The following CLEC16A variants were observed in gnomAD, a reference collection of about 807,000 sequenced individuals.
CLEC16A encodes protein CLEC16A.
CLEC16A carries 51 observed loss-of-function variants against 109.5 expected under a neutral mutation model. That is an observed-to-expected ratio of 0.47 (90% CI 0.37 to 0.59). The LOEUF is 0.59. Ranked by LOEUF, CLEC16A falls within the 20% of genes least tolerant of loss-of-function variation. The probability of loss-of-function intolerance (pLI) is 0.00; values close to 1 mark genes in which losing one functional copy is unlikely to be tolerated. For synonymous variants in CLEC16A, 673 were observed against 564.2 expected, an observed-to-expected ratio of 1.19 and a Z score of -2.73; for missense variants, 1,339 against 1,394.0, an observed-to-expected ratio of 0.96 and a Z score of 0.63.
chr16:11,102,056 G>A (rs1017105218), intron 19 of CLEC16A, among the ~76,000 whole-genome samples: 1 of 148,406 alleles, frequency 6.7e-6, no homozygotes, highest in African/African-American at 2.5e-5. Flanking sequence ...TGAGCAATCT[G>A]CCTACCTCAG....
intron 22 of CLEC16A, among the ~76,000 whole-genome samples, chr16:11,128,649 C>G (rs2052992932): frequency 1.3e-5 from 2 of 152,230 alleles, no homozygotes; most frequent in African/African-American, 4.8e-5. Context: ...GAGCTGTGTC[C>G]TGAAGAGCAA....
intron 22 of CLEC16A, chr16:11,157,265 C>T: frequency 4.3e-6 from 5 of 1,176,386 alleles, no homozygotes; most frequent in Non-Finnish European, 4.3e-6. Context: ...ATGTGGGGGT[C>T]GCCCATGGTG....
chr16:11,012,488 G>A (rs527980484), intron 11 of CLEC16A, among the ~76,000 whole-genome samples: 38 of 151,608 alleles, frequency 2.5e-4, no homozygotes, highest in African/African-American at 9.0e-4. Context: ...CCAGCTACTC[G>A]GGAGGCTGAG....
At chr16:11,175,090 C>G (rs1023101160) in intron 23 of CLEC16A, among the ~76,000 whole-genome samples, 6 of 152,236 alleles carry the variant, frequency 3.9e-5, no homozygotes, top group African/African-American at 1.4e-4. Flanking sequence ...CTTTTCTTCC[C>G]CACAACACTC....
intron 19 of CLEC16A, among the ~76,000 whole-genome samples, chr16:11,065,967 G>C (rs566412332): frequency 9.2e-5 from 14 of 152,326 alleles, no homozygotes; most frequent in African/African-American, 3.4e-4. Flanking sequence ...AGCTGGCACT[G>C]CCTGGTCAGA....
intron 18 of CLEC16A, among the ~76,000 whole-genome samples, chr16:11,057,858 C>T (rs1438043348): frequency 6.6e-6 from 1 of 152,138 alleles, no homozygotes; most frequent in African/African-American, 2.4e-5. Flanking sequence ...GGCAGGCTGC[C>T]TGTCATTGCT....
intron 19 of CLEC16A, among the ~76,000 whole-genome samples, chr16:11,119,148 C>G (rs555131668): frequency 6.6e-6 from 1 of 152,168 alleles, no homozygotes; most frequent in African/African-American, 2.4e-5. Flanking sequence ...TACAGGCACA[C>G]ACCACCACGC....
rs1168446655 is a variant in CLEC16A, at chr16:11,179,965, TCA to T, written c.*1278_*1279del. On this transcript the variant is annotated 3_prime_UTR_variant, in exon 24 of 24. Transcript: ENST00000409790. The stretch of plus-strand genomic sequence containing the variant: ...CCAGCTCGGGAGCCAGACACAGCAC[TCA>T]CAGCCCAGGCCGTGATCCACCCTCC... 1 of 152,984 alleles carries T rather than the reference TCA, an allele frequency of 6.5e-6. No individual in the cohort carries two copies. Among genetic ancestry groups the T allele is most frequent in the Non-Finnish European group, 1.5e-5 (1 of 68,718 alleles). 9.5% of individuals were successfully genotyped at this position (152,984 alleles called of 1,614,324 possible).
intron 12 of CLEC16A, 42 bp from the exon 13 acceptor site, chr16:11,024,779 T>C (rs1240417415): frequency 6.8e-7 from 1 of 1,478,430 alleles, no homozygotes; most frequent in African/African-American, 1.4e-5. Context: ...GTGTTCACCC[T>C]TGTGCACCGT....
intron 18 of CLEC16A, among the ~76,000 whole-genome samples, chr16:11,057,498 T>G (rs1163072693): frequency 6.6e-6 from 1 of 152,196 alleles, no homozygotes; most frequent in Non-Finnish European, 1.5e-5. Context: ...CTTCCCCTGC[T>G]CATTGGACTG....
At chr16:10,965,999 A>G (rs2042483232) in intron 3 of CLEC16A, among the ~76,000 whole-genome samples, 1 of 152,202 alleles carries the variant, frequency 6.6e-6, no homozygotes, top group Non-Finnish European at 1.5e-5. Flanking sequence ...AGCAGGGCTC[A>G]GTAAGACACC....
At chr16:10,982,197 C>T (rs946193085) in intron 9 of CLEC16A, among the ~76,000 whole-genome samples, 5 of 152,236 alleles carry the variant, frequency 3.3e-5, no homozygotes, top group African/African-American at 9.6e-5. Flanking sequence ...ATTCTTAAAG[C>T]TGGTCCTCTG....
chr16:11,072,507 A>C (rs2049131622), intron 19 of CLEC16A, among the ~76,000 whole-genome samples: 1 of 152,200 alleles, frequency 6.6e-6, no homozygotes, highest in Non-Finnish European at 1.5e-5. Flanking sequence ...CCAGTCCTTG[A>C]AAATCCAACA....
intron 18 of CLEC16A, among the ~76,000 whole-genome samples, chr16:11,053,488 A>G (rs866445173): frequency 1.3e-5 from 2 of 151,906 alleles, no homozygotes; most frequent in African/African-American, 4.8e-5. Flanking sequence ...CTCCCACCTC[A>G]GCCTCCTGGG....
chr16:11,113,644 G>A (rs987861994), intron 19 of CLEC16A, among the ~76,000 whole-genome samples: 3 of 152,186 alleles, frequency 2.0e-5, no homozygotes, highest in Non-Finnish European at 4.4e-5. Flanking sequence ...GGGTGACAGA[G>A]TGAGACCCTG....
Position 11,051,637 on chromosome 16 carries a change from G to A in CLEC16A, c.1991G>A (p.Arg664Gln), listed in dbSNP as rs1376995439. ...RLPCGDVEKT[R>Q]RAIRVFFMLR... ...CCGTGTGGCGATGTGGAGAAGACCCGGCGGGTGAGTGAGCACAGGACCTGT... is the reference window on the plus strand; with the variant it reads ...CCGTGTGGCGATGTGGAGAAGACCCAGCGGGTGAGTGAGCACAGGACCTGT... Residue 664 changes from arginine to glutamine, a missense_variant, in exon 18 of 24, where the codon CGG becomes CAG. Arg to Gln is a conservative substitution (Grantham distance 43). Coordinates refer to ENST00000409790, the MANE Select transcript of CLEC16A (RefSeq NM_015226.3). 6.2e-7 allele frequency: 1 copy of A among 1,613,888 alleles called. No individual in the cohort carries two copies. Among genetic ancestry groups the A allele is most frequent in the Non-Finnish European group, 8.5e-7 (1 of 1,179,772 alleles).
chr16:10,982,823 AG>A, intron 9 of CLEC16A, 54 bp from the exon 10 acceptor site: 3 of 1,013,544 alleles, frequency 3.0e-6, no homozygotes, highest in Non-Finnish European at 4.7e-6. Context: ...AGGAAGCAAG[AG>A]GTTGAAAATA....
intron 22 of CLEC16A, among the ~76,000 whole-genome samples, chr16:11,130,648 C>T (rs1299158538): frequency 1.3e-5 from 2 of 152,212 alleles, no homozygotes; most frequent in Admixed American, 6.5e-5. Context: ...TGACATGTCA[C>T]CATTGCCATC....
At chr16:11,007,195 A>C (rs2152763196) in intron 11 of CLEC16A, among the ~76,000 whole-genome samples, 1 of 152,270 alleles carries the variant, frequency 6.6e-6, no homozygotes, top group African/African-American at 2.4e-5. Flanking sequence ...CTCACCTTCA[A>C]AGCCTACTCA....
Sources: gnomAD v4.1 joint callset for allele counts (sites outside exome capture counted in the v4.1 genomes callset) on GRCh38, gnomAD v4.1.1 for gene constraint, MANE v1.5 for transcripts, NCBI Gene and HGNC (gene_info 2026-07-23, HGNC 2026-07-21) for gene names.